KDM4A: variants seen among roughly 807,000 people sequenced by gnomAD.
KDM4A encodes the protein lysine-specific demethylase 4A.
In KDM4A, 23 loss-of-function variants were observed where a neutral mutation model predicts 127.1. That is an observed-to-expected ratio of 0.18 (90% confidence interval 0.13 to 0.26). The LOEUF (loss-of-function observed/expected upper bound fraction) is 0.26. Among genes scored for constraint, KDM4A ranks in the 10% least tolerant of loss-of-function variants. The pLI, the probability that KDM4A is intolerant of heterozygous loss-of-function variation, is 1.00. For synonymous variants in KDM4A, 443 were observed against 466.5 expected, an observed-to-expected ratio of 0.95 and a Z score of 0.65; for missense variants, 890 against 1,329.1, an observed-to-expected ratio of 0.67 and a Z score of 5.14.
chr1:43,668,156 C>G (rs931362276), intron 9 of KDM4A, 137 bp downstream of exon 9: 3 of 1,190,546 alleles, frequency 2.5e-6, no homozygotes, highest in Non-Finnish European at 2.4e-6. Flanking sequence ...GATGGAGTCT[C>G]GCTCTGTCGC....
Position 43,700,504 on chromosome 1 carries a change from C to T in KDM4A, c.2841+2491C>T, listed in dbSNP as rs201711401. ...ATCCACCAAAACTCAATGGAAGTAA[C>T]AACTTTTTTTGTTTGTTTGTTTGTT... On this transcript the variant is annotated intron_variant, in intron 19 of 21. Coordinates refer to ENST00000372396, the MANE Select transcript of KDM4A (RefSeq NM_014663.3). 3.3e-3 allele frequency among the ~76,000 whole-genome samples: 500 copies of T among 152,062 alleles called. 1 individual carries two copies. The highest frequency in any genetic ancestry group is 6.0e-3 in the Non-Finnish European group (408 of 68,022).
chr1:43,662,847 G>A (rs369449046), intron 4 of KDM4A, 47 bp from the exon 5 acceptor site: 6 of 1,529,230 alleles, frequency 3.9e-6, no homozygotes, highest in South Asian at 1.2e-5. Flanking sequence ...CAGAGCCTCG[G>A]TTTCTATGCA....
chr1:43,681,504 C>CAT (rs1269320105), intron 11 of KDM4A, among the ~76,000 whole-genome samples: 1 of 152,194 alleles, frequency 6.6e-6, no homozygotes, highest in Non-Finnish European at 1.5e-5. Flanking sequence ...CCCTTGGGTA[C>CAT]ATGTTGTGTA....
intron 2 of KDM4A, among the ~76,000 whole-genome samples, chr1:43,654,321 T>C (rs1570807697): frequency 6.6e-6 from 1 of 152,218 alleles, no homozygotes; most frequent in African/African-American, 2.4e-5. Flanking sequence ...TCTCCTTAAG[T>C]GGTATTAGCT....
intron 19 of KDM4A, chr1:43,700,194 C>T (rs1440721603): frequency 6.6e-6 from 1 of 152,116 alleles, no homozygotes; most frequent in Admixed American, 6.5e-5. Flanking sequence ...GTGCAGTGAT[C>T]TCAACTCACT....
chr1:43,690,568 CACTT>C, intron 13 of KDM4A: 1 of 492,534 alleles, frequency 2.0e-6, no homozygotes, highest in Non-Finnish European at 3.7e-6. Flanking sequence ...TTTTATTAAC[CACTT>C]TCTTTGGGAA....
At position 43,691,480 on chromosome 1, in the gene KDM4A, T is replaced by C. The variant is rs775382787; in HGVS notation, c.2243-16T>C. The C allele has an allele frequency of 1.9e-6, 3 of 1,610,000 alleles. No individual in the cohort carries two copies. Among genetic ancestry groups the C allele is most frequent in the African/African-American group, 1.3e-5 (1 of 74,804 alleles). On this transcript the variant is annotated splice_polypyrimidine_tract_variant and intron_variant, in intron 14 of 21. Transcript: ENST00000372396. ...GACCACTGGGTTTAATTTGCTCATC[T>C]TGGTGTCCCTGTTAGGTTGCTATGG...
intron 11 of KDM4A, among the ~76,000 whole-genome samples, chr1:43,677,058 A>G (rs1316650044): frequency 6.6e-6 from 1 of 152,052 alleles, no homozygotes; most frequent in Non-Finnish European, 1.5e-5. Flanking sequence ...TAATATGGTC[A>G]TTTTTGGCTG....
Position 43,694,962 on chromosome 1 carries a change from ATT to A in KDM4A, c.2670+70_2670+71del. The A allele has an allele frequency of 7.0e-7, 1 of 1,420,478 alleles. No homozygotes were observed. The highest frequency in any genetic ancestry group is 9.6e-7 in the Non-Finnish European group (1 of 1,041,820). The allele number at this position is 1,420,478 out of a possible 1,614,324, so 88.0% of individuals were successfully genotyped here. A position where few individuals can be genotyped will look rare whatever the true frequency, so the allele number is the denominator to read the frequency against. Reference sequence around the variant, plus strand: ...TGGTCATTTTCTCTGCATGTTTTCCATTTGTTGTATCAGCAACTATTTCCTCA... The same window carrying A: ...TGGTCATTTTCTCTGCATGTTTTCCATGTTGTATCAGCAACTATTTCCTCA... On this transcript the variant is annotated intron_variant, in intron 18 of 21. Coordinates refer to ENST00000372396, the MANE Select transcript of KDM4A (RefSeq NM_014663.3). This position sits in a 1 kb window ranked among gnomAD's most constrained non-coding sequence, Gnocchi z 5.2.
intron 11 of KDM4A, among the ~76,000 whole-genome samples, chr1:43,673,693 T>C (rs1660677799): frequency 6.6e-6 from 1 of 152,192 alleles, no homozygotes; most frequent in Non-Finnish European, 1.5e-5. Context: ...CTCTGTGCCT[T>C]CTTATGGCAG....
chr1:43,683,864 A>G, intron 12 of KDM4A, 60 bp downstream of exon 12: 2 of 1,592,494 alleles, frequency 1.3e-6, no homozygotes, highest in South Asian at 2.3e-5. Flanking sequence ...ACTTGACAGG[A>G]CAGGACATCA....
At chr1:43,682,613 A>G (rs1394213039) in intron 11 of KDM4A, among the ~76,000 whole-genome samples, 2 of 152,212 alleles carry the variant, frequency 1.3e-5, no homozygotes, top group Non-Finnish European at 2.9e-5. Context: ...TGCCCAGTGA[A>G]TATTTGTTGA....
chr1:43,670,844 A>G (rs994261267), intron 10 of KDM4A, among the ~76,000 whole-genome samples: 1 of 152,028 alleles, frequency 6.6e-6, no homozygotes, highest in Non-Finnish European at 1.5e-5. Flanking sequence ...TACAGCAGTG[A>G]GCCACCATGC....
rs367999082 is a variant in KDM4A, at chr1:43,668,103, G to GT, written c.1163+92dup. 2.1e-3 allele frequency: 3,133 copies of GT among 1,515,786 alleles called. 41 individuals are homozygous for GT. The African/African-American group carries it at 0.036, about 18-fold the overall frequency. The allele number at this position is 1,515,786 out of a possible 1,614,324, so 93.9% of individuals were successfully genotyped here. ...GTAATCTGTGGAGAGGCTGTTTCTTGTTTTTTTTGTTTTGTTTTGTTTTTG... is the reference window on the plus strand; with the variant it reads ...GTAATCTGTGGAGAGGCTGTTTCTTGTTTTTTTTTGTTTTGTTTTGTTTTTG... On this transcript the variant is annotated intron_variant, in intron 9 of 21. Coordinates refer to ENST00000372396, the MANE Select transcript of KDM4A (RefSeq NM_014663.3).
chr1:43,663,135 G>GC (rs1557905638), intron 5 of KDM4A, 48 bp downstream of exon 5: 3 of 1,532,888 alleles, frequency 2.0e-6, no homozygotes, highest in Non-Finnish European at 8.9e-7. Flanking sequence ...TAGAGCACGG[G>GC]CTCATGTTCA....
chr1:43,660,292 A>C lies in KDM4A; in HGVS notation c.315-6A>C, dbSNP rs140185630. 1 of 552,208 alleles carries C rather than the reference A, an allele frequency of 1.8e-6. No individual in the cohort carries two copies. Among genetic ancestry groups the C allele is most frequent in the Admixed American group, 3.8e-5 (1 of 26,056 alleles). The allele number at this position is 552,208 out of a possible 1,614,324, so 34.2% of individuals were successfully genotyped here. ...GGTTTACATGTTTCTTTTTACTTTC[A>C]AAAAGGTACTGTACCCCACGCTATA... On this transcript the variant is annotated splice_polypyrimidine_tract_variant and splice_region_variant and intron_variant, in intron 3 of 21. Coordinates refer to ENST00000372396, the MANE Select transcript of KDM4A (RefSeq NM_014663.3).
intron 18 of KDM4A, 119 bp downstream of exon 18, chr1:43,695,013 C>T: frequency 2.0e-6 from 2 of 1,007,394 alleles, no homozygotes; most frequent in Non-Finnish European, 2.9e-6. Context: ...ATGAAGAGTG[C>T]TAATGAGTTA....
chr1:43,662,843 C>CTCGG, intron 4 of KDM4A, 51 bp from the exon 5 acceptor site: 1 of 1,510,702 alleles, frequency 6.6e-7, no homozygotes, highest in Non-Finnish European at 9.0e-7. Context: ...GGTTCAGAGC[C>CTCGG]TCGGTTTCTA....
At position 43,660,977 on chromosome 1, in the gene KDM4A, AT is replaced by A. The variant is rs767471081; in HGVS notation, c.429+579del. Among the ~76,000 whole-genome samples the A allele has an allele frequency of 4.6e-3, 670 of 144,724 alleles. 1 individual carries two copies. The highest frequency in any genetic ancestry group is 0.013 in the African/African-American group (498 of 39,508). The allele number at this position is 144,724 out of a possible 152,430, so 94.9% of individuals were successfully genotyped here. A position where few individuals can be genotyped will look rare whatever the true frequency, so the allele number is the denominator to read the frequency against. ...CACTCATAATTGTTTTCATATTTTA[AT>A]TTTTTTTTTTTTTGAGACGGAGTTT... On this transcript the variant is annotated intron_variant, in intron 4 of 21. Coordinates refer to ENST00000372396, the MANE Select transcript of KDM4A (RefSeq NM_014663.3).
Sources: allele counts gnomAD v4.1 joint callset (sites outside exome capture counted in the v4.1 genomes callset), GRCh38; gene constraint gnomAD v4.1.1; non-coding constraint Gnocchi (gnomAD v3.1); transcripts MANE v1.5; gene names NCBI Gene and HGNC (gene_info 2026-07-23, HGNC 2026-07-21).